The following TENT4B variants were observed in gnomAD, a reference collection of about 807,000 sequenced individuals.
The protein encoded by TENT4B is terminal nucleotidyltransferase 4B, also known as PAP associated domain containing 5.
TENT4B carries 10 observed loss-of-function variants against 75.0 expected under a neutral mutation model. The ratio of observed to expected loss-of-function variants is 0.13; its 90% confidence interval spans 0.08 to 0.23. The LOEUF is 0.23. TENT4B is among the 10% of genes least tolerant of loss of function. The probability of loss-of-function intolerance (pLI) is 1.00; values close to 1 mark genes in which losing one functional copy is unlikely to be tolerated. For synonymous variants in TENT4B, 350 were observed against 357.7 expected (o/e 0.98, Z 0.24); for missense variants, 579 against 893.8 (o/e 0.65, Z 4.49).
Position 50,222,307 on chromosome 16 carries a change from A to G in TENT4B, c.1040A>G (p.Lys347Arg), listed in dbSNP as rs1353513277. 1 of 1,586,792 alleles carries G rather than the reference A, an allele frequency of 6.3e-7. No individual in the cohort carries two copies. The highest frequency in any genetic ancestry group is 1.1e-5 in the South Asian group (1 of 87,374). ...TGAAAATACAATTTTCTTTTTCAGA[A>G]ATATCCTGTATTGCCATACTTGGTT... The part of the protein sequence containing the change: ...AADLIKDFTK[K>R]YPVLPYLVLV... The change falls in exon 6 of 12, where the codon AAA becomes AGA. Residue 347 changes from lysine (K) to arginine (R), a missense_variant and splice_region_variant. By Grantham distance (26) the Lys-to-Arg change is conservative. Around this residue, in one of 7 missense-constraint regions of TENT4B, gnomAD observed 55 missense variants for 77.1 expected, o/e 0.71. Transcript: ENST00000561678.
chr16:50,188,167 T>G (rs1053771913), intron 1 of TENT4B, among the ~76,000 whole-genome samples: 1 of 152,242 alleles, frequency 6.6e-6, no homozygotes, highest in Non-Finnish European at 1.5e-5. Context: ...CGATGATGTT[T>G]ATTCCAGTTG....
upstream of TENT4B, chr16:50,153,150 CGGGGGCGGGGCGAGCGCGT>C (rs1421705194): frequency 4.3e-3 from 1,033 of 240,172 alleles, 39 homozygotes; most frequent in African/African-American, 0.076. Flanking sequence ...CGCGGCGCAG[CGGGGGCGGGGCGAGCGCGT>C]GAGGGCGGGG....
At position 50,214,255 on chromosome 16, in the gene TENT4B, AT is replaced by A; in HGVS notation, c.800del (p.Leu267TyrfsTer8). On this transcript the variant is annotated frameshift_variant, in exon 3 of 12. Coordinates refer to ENST00000561678, the MANE Select transcript of TENT4B (RefSeq NM_001365324.3). LOFTEE classifies it high-confidence loss of function. ...TTTGGAAGTTTTAAAACTGGACTTTATTTACCTACTAGGTTAGTACACTCAT... is the reference window on the plus strand; with the variant it reads ...TTTGGAAGTTTTAAAACTGGACTTTATTACCTACTAGGTTAGTACACTCAT... Reference protein sequence around the residue: ...QIFGSFKTGLYLPTSDIDLVV... With the variant: ...QIFGSFKTGLXLPTSDIDLVV... 1 of 1,590,510 alleles carries A rather than the reference AT, an allele frequency of 6.3e-7. No individual in the cohort carries two copies. The highest frequency in any genetic ancestry group is 8.6e-7 in the Non-Finnish European group (1 of 1,161,146).
At chr16:50,160,675 C>T (rs1445144313) in intron 1 of TENT4B, among the ~76,000 whole-genome samples, 1 of 152,182 alleles carries the variant, frequency 6.6e-6, no homozygotes, top group African/African-American at 2.4e-5. Context: ...AACCTGTATA[C>T]TGAATATCAC....
Position 50,230,235 on chromosome 16 carries a change from A to G in TENT4B, c.*907A>G, listed in dbSNP as rs1179285271. On this transcript the variant is annotated 3_prime_UTR_variant, in exon 12 of 12. Coordinates refer to ENST00000561678, the MANE Select transcript of TENT4B (RefSeq NM_001365324.3). ...GTGCTGTCGTCTTGGGCAATGGGCA[A>G]TTACATGACTTTGTGTTTGCTTCCT... is the stretch of plus-strand genomic sequence containing the variant. 6.1e-6 allele frequency: 6 copies of G among 982,228 alleles called. No individual in the cohort carries two copies. The highest frequency in any genetic ancestry group is 1.1e-4 in the East Asian group (1 of 8,762). 60.8% of individuals were successfully genotyped at this position (982,228 alleles called of 1,614,324 possible). A position where few individuals can be genotyped will look rare whatever the true frequency, so the allele number is the denominator to read the frequency against.
chr16:50,218,787 C>G (rs944593942), intron 5 of TENT4B, among the ~76,000 whole-genome samples: 3 of 151,976 alleles, frequency 2.0e-5, no homozygotes, highest in Admixed American at 6.6e-5. Context: ...AAGTTTATTT[C>G]TATTCTGTTT....
chr16:50,229,503 A>G lies in TENT4B; in HGVS notation c.*175A>G, dbSNP rs2032205485. On this transcript the variant is annotated 3_prime_UTR_variant, in exon 12 of 12. Coordinates refer to ENST00000561678, the MANE Select transcript of TENT4B (RefSeq NM_001365324.3). ...TCATGAAGACTGACAACTGCAAAAA[A>G]AACAAAACAAAACAAAAAAAAAAGC... 8.0e-7 allele frequency: 1 copy of G among 1,244,946 alleles called. No individual in the cohort carries two copies. Among genetic ancestry groups the G allele is most frequent in the African/African-American group, 1.6e-5 (1 of 64,408 alleles). The allele number at this position is 1,244,946 out of a possible 1,614,324, so 77.1% of individuals were successfully genotyped here.
At chr16:50,153,107 C>G (rs1234795461), upstream of TENT4B, 1 of 1,233,880 alleles carries the variant, frequency 8.1e-7, no homozygotes, top group African/African-American at 1.6e-5. Context: ...GCCGCGGCCT[C>G]TGTGACGCAC....
chr16:50,201,476 G>T (rs1403331335), intron 1 of TENT4B, among the ~76,000 whole-genome samples: 1 of 151,938 alleles, frequency 6.6e-6, no homozygotes, highest in African/African-American at 2.4e-5. Flanking sequence ...GGCAGAGGTT[G>T]CAGTGAGCCG....
rs910369230 is a variant in TENT4B at position 50,233,309 on chromosome 16, T to C, written c.*3981T>C. On this transcript the variant is annotated 3_prime_UTR_variant, in exon 12 of 12. Coordinates refer to ENST00000561678, the MANE Select transcript of TENT4B (RefSeq NM_001365324.3). Reference sequence around the variant, plus strand: ...TCAAGACTCTAGCTACCTGCCATCTTGTCAAAACATTTGTGGGTAGAATAA... The same window carrying C: ...TCAAGACTCTAGCTACCTGCCATCTCGTCAAAACATTTGTGGGTAGAATAA... The C allele has an allele frequency of 7.1e-6, 7 of 985,302 alleles. No individual in the cohort carries two copies. Among genetic ancestry groups the C allele is most frequent in the African/African-American group, 1.7e-5 (1 of 57,228 alleles). 61.0% of individuals were successfully genotyped at this position (985,302 alleles called of 1,614,324 possible).
intron 4 of TENT4B, among the ~76,000 whole-genome samples, chr16:50,216,849 G>A (rs1030029645): frequency 6.6e-6 from 1 of 151,886 alleles, no homozygotes; most frequent in African/African-American, 2.4e-5. Flanking sequence ...GTAGAGATAG[G>A]GTCTCCCTGT....
At chr16:50,163,468 C>T (rs977651964) in intron 1 of TENT4B, among the ~76,000 whole-genome samples, 13 of 146,492 alleles carry the variant, frequency 8.9e-5, no homozygotes, top group Middle Eastern at 3.6e-3. Context: ...CCCACCATCT[C>T]GGCTCACTGC....
chr16:50,208,415 C>T (rs2031101638), intron 1 of TENT4B, among the ~76,000 whole-genome samples: 1 of 152,100 alleles, frequency 6.6e-6, no homozygotes, highest in Non-Finnish European at 1.5e-5. Context: ...GCTCAGAAAG[C>T]CCTTTTATTG....
In TENT4B at chr16:50,229,292, C is replaced by T. The variant is rs1286142906; in HGVS notation, c.2106C>T (p.His702=). ...NQYYHGKKRK[H]KRDAPLSDLC... is the part of the protein sequence containing the mutation. ...ATTACCATGGCAAAAAGAGGAAACA[C>T]AAGAGGGACGCGCCCCTCTCAGACC... Residue 702 remains histidine (H), a synonymous_variant, in exon 12 of 12, where the codon CAC becomes CAT. Coordinates refer to ENST00000561678, the MANE Select transcript of TENT4B (RefSeq NM_001365324.3). The T allele has an allele frequency of 6.2e-7, 1 of 1,613,692 alleles. No individual in the cohort carries two copies. Among genetic ancestry groups the T allele is most frequent in the Non-Finnish European group, 8.5e-7 (1 of 1,179,826 alleles).
chr16:50,152,919 C>G (rs1434731840), upstream of TENT4B: 19 of 1,483,170 alleles, frequency 1.3e-5, no homozygotes, highest in Non-Finnish European at 1.6e-5. Flanking sequence ...GCACCTCCCA[C>G]AACGCGCTCC....
At chr16:50,166,465 T>A (rs2038102951) in intron 1 of TENT4B, among the ~76,000 whole-genome samples, 1 of 152,224 alleles carries the variant, frequency 6.6e-6, no homozygotes, top group African/African-American at 2.4e-5. Flanking sequence ...TGATTTTGAT[T>A]GTTAGTGGTG....
At chr16:50,200,090 G>A (rs1297627167) in intron 1 of TENT4B, among the ~76,000 whole-genome samples, 1 of 152,204 alleles carries the variant, frequency 6.6e-6, no homozygotes. Context: ...TGCCAGCTGG[G>A]TGTGGTGGCT....
intron 1 of TENT4B, 36 bp downstream of exon 1, chr16:50,154,295 G>A: frequency 2.2e-6 from 3 of 1,386,068 alleles, no homozygotes; most frequent in Non-Finnish European, 2.8e-6. Context: ...GGCCTGGCCG[G>A]TGCGAATGCG....
rs1555506870 is a variant in TENT4B, at chr16:50,155,272, G to GGTGGGTGTGT, written c.638+1016_638+1017insGGTGTGTGTG. Among the ~76,000 whole-genome samples the GGTGGGTGTGT allele has an allele frequency of 1.3e-4, 17 of 135,482 alleles. 1 individual carries two copies. The highest frequency in any genetic ancestry group is 2.2e-4 in the Non-Finnish European group (14 of 64,074). 88.9% of individuals were successfully genotyped at this position (135,482 alleles called of 152,430 possible). A position where few individuals can be genotyped will look rare whatever the true frequency, so the allele number is the denominator to read the frequency against. On this transcript the variant is annotated intron_variant, in intron 1 of 11. Transcript: ENST00000561678. Reference sequence around the variant, plus strand: ...TAAAACAAAGCTTTTGGGTCTCGTGGGTGTGTGTGTGTGTGTGTGTGTGTG... The same window carrying GGTGGGTGTGT: ...TAAAACAAAGCTTTTGGGTCTCGTGGGTGGGTGTGTGTGTGTGTGTGTGTGTGTGTGTGTG...
Sources: allele counts gnomAD v4.1 joint callset (sites outside exome capture counted in the v4.1 genomes callset), GRCh38; gene constraint gnomAD v4.1.1; regional missense constraint gnomAD v4.1.1; transcripts MANE v1.5; gene names NCBI Gene and HGNC (gene_info 2026-07-23, HGNC 2026-07-21).